ACTR2: variants seen among roughly 807,000 people sequenced by gnomAD.
ACTR2 encodes actin related protein 2, also known as actin-related protein 2.
In ACTR2, 5 loss-of-function variants were observed where a neutral mutation model predicts 50.2. The observed-to-expected ratio is 0.10, with a 90% CI of 0.05 to 0.21. ACTR2 has a LOEUF of 0.21. ACTR2 is among the 10% of genes least tolerant of loss of function. The pLI, the probability that ACTR2 is intolerant of heterozygous loss-of-function variation, is 1.00. For missense variants in ACTR2, 180 were observed against 480.6 expected (o/e 0.37, Z 5.85); for synonymous variants, 140 against 162.9 (o/e 0.86, Z 1.07).
chr2:65,247,231 T>A (rs1340714271), intron 3 of ACTR2, among the ~76,000 whole-genome samples: 5 of 152,210 alleles, frequency 3.3e-5, no homozygotes, highest in African/African-American at 1.2e-4. Context: ...GAAGCCTTAC[T>A]GATAACATAA....
Position 65,270,277 on chromosome 2 carries a change from C to CT in ACTR2, c.*1545dup, listed in dbSNP as rs1672466696. 6.6e-6 allele frequency: 1 copy of CT among 152,528 alleles called. No individual in the cohort carries two copies. Among genetic ancestry groups the CT allele is most frequent in the Non-Finnish European group, 1.5e-5 (1 of 68,024 alleles). The allele number at this position is 152,528 out of a possible 1,614,324, so 9.4% of individuals were successfully genotyped here. A position where few individuals can be genotyped will look rare whatever the true frequency, so the allele number is the denominator to read the frequency against. ...AACTAAAATCAAAAGAAATGATTGA[C>CT]TTGAGGGTCTCTGTTTGGTAAGAAT... On this transcript the variant is annotated 3_prime_UTR_variant, in exon 9 of 9. Transcript: ENST00000260641.
chr2:65,259,548 C>T (rs900115203), intron 6 of ACTR2, among the ~76,000 whole-genome samples: 3 of 151,860 alleles, frequency 2.0e-5, no homozygotes, highest in Non-Finnish European at 4.4e-5. Flanking sequence ...AGCCAACATG[C>T]AGAAACTCTG....
At chr2:65,257,904 CTGA>C (rs1247822926) in intron 6 of ACTR2, among the ~76,000 whole-genome samples, 1 of 152,156 alleles carries the variant, frequency 6.6e-6, no homozygotes, top group African/African-American at 2.4e-5. Context: ...CCTGTTCACT[CTGA>C]TGATAGTTTC....
intron 7 of ACTR2, among the ~76,000 whole-genome samples, chr2:65,264,004 G>C (rs1352835571): frequency 6.6e-6 from 1 of 152,092 alleles, no homozygotes; most frequent in Non-Finnish European, 1.5e-5. Context: ...GCAGTGAGCC[G>C]AGATCGCACC....
chr2:65,237,266 T>C (rs1458874857), intron 1 of ACTR2, among the ~76,000 whole-genome samples: 2 of 152,204 alleles, frequency 1.3e-5, no homozygotes, highest in Non-Finnish European at 2.9e-5. Context: ...CTATGTATTA[T>C]TTATTTTTTG....
chr2:65,238,839 G>A (rs886282451), intron 1 of ACTR2, among the ~76,000 whole-genome samples: 7 of 151,664 alleles, frequency 4.6e-5, no homozygotes, highest in Non-Finnish European at 2.9e-5. Context: ...ATGGTGGTGG[G>A]TGCCTGTAAT....
intron 6 of ACTR2, among the ~76,000 whole-genome samples, chr2:65,256,483 G>T (rs1335164051): frequency 6.6e-6 from 1 of 152,066 alleles, no homozygotes; most frequent in East Asian, 1.9e-4. Context: ...ACAGTAATAG[G>T]CAATGAAGGC....
intron 8 of ACTR2, 96 bp downstream of exon 8, chr2:65,265,271 T>A (rs1216379441): frequency 2.1e-6 from 3 of 1,405,790 alleles, no homozygotes; most frequent in Non-Finnish European, 3.0e-6. Context: ...CAAGACGTCT[T>A]CCAAAACAAA....
chr2:65,262,634 G>C (rs960153157), intron 7 of ACTR2, among the ~76,000 whole-genome samples: 1 of 152,062 alleles, frequency 6.6e-6, no homozygotes, highest in African/African-American at 2.4e-5. Context: ...AATTATTTCA[G>C]TGTAATTTTA....
intron 7 of ACTR2, among the ~76,000 whole-genome samples, chr2:65,264,194 G>A (rs967602629): frequency 6.6e-6 from 1 of 152,198 alleles, no homozygotes; most frequent in African/African-American, 2.4e-5. Context: ...TGTGTGTTCT[G>A]CATGTTGAAA....
chr2:65,234,934 A>T (rs1671711905), intron 1 of ACTR2, among the ~76,000 whole-genome samples: 1 of 152,154 alleles, frequency 6.6e-6, no homozygotes. Flanking sequence ...TATTACTTGG[A>T]GGTAGGCATA....
At chr2:65,251,680 T>A (rs1372918314) in intron 4 of ACTR2, among the ~76,000 whole-genome samples, 2 of 152,126 alleles carry the variant, frequency 1.3e-5, no homozygotes, top group African/African-American at 4.8e-5. Context: ...TAATTTTTTA[T>A]GCATGGAATT....
intron 2 of ACTR2, among the ~76,000 whole-genome samples, chr2:65,243,358 G>A (rs1343785944): frequency 3.3e-5 from 5 of 152,130 alleles, no homozygotes; most frequent in Non-Finnish European, 5.9e-5. Flanking sequence ...GACCGAGTGA[G>A]GTGTTTCATG....
chr2:65,249,042 TTAATGAAA>T (rs1256539668), intron 3 of ACTR2, among the ~76,000 whole-genome samples: 5 of 151,828 alleles, frequency 3.3e-5, no homozygotes, highest in Non-Finnish European at 7.4e-5. Flanking sequence ...AAAAAAAAAG[TTAATGAAA>T]TAATGAAATA....
Position 65,227,842 on chromosome 2 carries a change from A to T in ACTR2, c.-68A>T. The T allele has an allele frequency of 6.8e-7, 1 of 1,477,088 alleles. No homozygotes were observed. The highest frequency in any genetic ancestry group is 9.0e-7 in the Non-Finnish European group (1 of 1,110,492). The allele number at this position is 1,477,088 out of a possible 1,614,324, so 91.5% of individuals were successfully genotyped here. On this transcript the variant is annotated 5_prime_UTR_variant, in exon 1 of 9. Coordinates refer to ENST00000260641, the MANE Select transcript of ACTR2 (RefSeq NM_005722.4). ...GGGGCCGGGAAGACGCAAGAGGAAG[A>T]AGAGAAAACGGCCGGGCGGCGGTGG...
intron 2 of ACTR2, among the ~76,000 whole-genome samples, chr2:65,244,941 C>CAAAA (rs35780666): frequency 1.3e-5 from 1 of 77,058 alleles, no homozygotes; most frequent in East Asian, 5.8e-4. Context: ...GACCCCATCT[C>CAAAA]AAAAAAAAAA....
At chr2:65,267,024 CAT>C (rs1435197103) in intron 8 of ACTR2, among the ~76,000 whole-genome samples, 2 of 152,120 alleles carry the variant, frequency 1.3e-5, no homozygotes, top group African/African-American at 4.8e-5. Context: ...AGCAATAACT[CAT>C]ATTACCAAAC....
intron 7 of ACTR2, 79 bp from the exon 8 acceptor site, chr2:65,264,964 C>T: frequency 6.6e-7 from 1 of 1,522,102 alleles, no homozygotes; most frequent in Admixed American, 1.8e-5. Context: ...AACCCCGAGG[C>T]TGACATAAGT....
In ACTR2 at chr2:65,268,827, G is replaced by A. The variant is rs1672433405; in HGVS notation, c.*93G>A. The A allele has an allele frequency of 7.7e-7, 1 of 1,306,876 alleles. No homozygotes were observed. The highest frequency in any genetic ancestry group is 1.1e-6 in the Non-Finnish European group (1 of 943,794). The allele number at this position is 1,306,876 out of a possible 1,614,324, so 81.0% of individuals were successfully genotyped here. On this transcript the variant is annotated 3_prime_UTR_variant, in exon 9 of 9. Transcript: ENST00000260641. ...CATTCAACTCCAGGACATGGAAGAGGCCTCTCTCTGCCCTTTGACTGGAAA... is the reference window on the plus strand; with the variant it reads ...CATTCAACTCCAGGACATGGAAGAGACCTCTCTCTGCCCTTTGACTGGAAA...
Sources: gnomAD v4.1 joint callset for allele counts (sites outside exome capture counted in the v4.1 genomes callset) on GRCh38, gnomAD v4.1.1 for gene constraint, MANE v1.5 for transcripts, NCBI Gene and HGNC (gene_info 2026-07-23, HGNC 2026-07-21) for gene names.